Variants in CADPS observed in about 807,000 individuals in gnomAD.
CADPS encodes the protein calcium-dependent secretion activator 1.
Under a neutral mutation model 167.3 loss-of-function variants are expected in CADPS, and 57 were observed. That is an observed-to-expected ratio of 0.34 (90% confidence interval 0.28 to 0.42). The LOEUF is 0.42. CADPS is among the 20% of genes least tolerant of loss of function. The probability of loss-of-function intolerance (pLI) is 1.00; values close to 1 mark genes in which losing one functional copy is unlikely to be tolerated. For missense variants in CADPS, 1,414 were observed against 1,738.1 expected (o/e 0.81, Z 3.32); for synonymous variants, 676 against 635.3 (o/e 1.06, Z -0.96).
intron 28 of CADPS, among the ~76,000 whole-genome samples, chr3:62,426,241 C>G (rs1055614200): frequency 6.6e-6 from 1 of 152,164 alleles, no homozygotes; most frequent in Non-Finnish European, 1.5e-5. Context: ...ACCTCCACCT[C>G]CCAGGTTCAA....
At chr3:62,428,868 T>A (rs1575884132) in intron 28 of CADPS, among the ~76,000 whole-genome samples, 3 of 152,326 alleles carry the variant, frequency 2.0e-5, no homozygotes, top group African/African-American at 7.2e-5. Flanking sequence ...TACTGGTGTC[T>A]AGAGTAGAAA....
intron 1 of CADPS, among the ~76,000 whole-genome samples, chr3:62,801,017 T>C (rs911240107): frequency 5.3e-5 from 8 of 152,100 alleles, no homozygotes; most frequent in African/African-American, 1.9e-4. Context: ...GTCAAGTCAG[T>C]CAAATGGATC....
chr3:62,399,601 A>G lies in CADPS; in HGVS notation c.3883-16T>C. On this transcript the variant is annotated splice_polypyrimidine_tract_variant and intron_variant, in intron 29 of 29. Coordinates refer to ENST00000383710, the MANE Select transcript of CADPS (RefSeq NM_003716.4). The surrounding 1 kb of genome is among the most constrained non-coding windows in gnomAD (Gnocchi z 5.6). Reference sequence around the variant, plus strand: ...TGTAGGTTTTCTAAGGAAGGAAAAGATACAGTGATAAGAGAGATCTCATCT... The same window carrying G: ...TGTAGGTTTTCTAAGGAAGGAAAAGGTACAGTGATAAGAGAGATCTCATCT... The G allele has an allele frequency of 6.2e-7, 1 of 1,609,190 alleles. No individual in the cohort carries two copies. The highest frequency in any genetic ancestry group is 8.5e-7 in the Non-Finnish European group (1 of 1,176,372).
chr3:62,476,187 C>CT (rs1270344845), intron 23 of CADPS, among the ~76,000 whole-genome samples: 1 of 152,146 alleles, frequency 6.6e-6, no homozygotes, highest in Non-Finnish European at 1.5e-5. Flanking sequence ...GCCTTATTGA[C>CT]TTTTTGTCAT....
chr3:62,440,194 A>G (rs547751897), intron 27 of CADPS: 3 of 152,310 alleles, frequency 2.0e-5, no homozygotes, highest in South Asian at 2.1e-4. Context: ...GAATGGACAA[A>G]TTCAAGAATG....
rs776227927 is a variant in CADPS at position 62,650,936 on chromosome 3, G to A, written c.1114C>T (p.Arg372Cys). The part of the protein sequence containing the change: ...GGEFKLQKLK[R>C]SHNASIIDMG... ...TCGATGATGGAAGCATTGTGGCTGC[G>A]TTTGAGTTTCTGGAGCTTGAACTCC... The change falls in exon 5 of 30, where the codon CGC (arginine) becomes TGC (cysteine). Residue 372 changes from arginine (R) to cysteine (C), a missense_variant. Physicochemically the swap from Arg to Cys is radical, Grantham distance 180. Transcript: ENST00000383710. The A allele has an allele frequency of 1.1e-5, 17 of 1,613,946 alleles. No homozygotes were observed. Among genetic ancestry groups the A allele is most frequent in the Non-Finnish European group, 1.4e-5 (16 of 1,179,994 alleles).
At chr3:62,791,299 C>G (rs1225537960) in intron 1 of CADPS, among the ~76,000 whole-genome samples, 5 of 152,142 alleles carry the variant, frequency 3.3e-5, no homozygotes, top group Admixed American at 1.3e-4. Context: ...TGCAATATGA[C>G]TAGTGTGAAT....
intron 28 of CADPS, among the ~76,000 whole-genome samples, chr3:62,418,320 CTCTCT>C (rs1414663624): frequency 1.1e-3 from 155 of 139,054 alleles, no homozygotes; most frequent in African/African-American, 3.9e-3. Flanking sequence ...TTTCTTTTTT[CTCTCT>C]TTTTTTTTTT....
At chr3:62,625,321 A>G (rs2063858631) in intron 6 of CADPS, 1 of 150,584 alleles carries the variant, frequency 6.6e-6, no homozygotes, top group Non-Finnish European at 1.5e-5. Flanking sequence ...TAAACATTGT[A>G]AAATTCAATG....
intron 23 of CADPS, among the ~76,000 whole-genome samples, chr3:62,477,362 T>C (rs2061460051): frequency 1.3e-5 from 2 of 151,230 alleles, no homozygotes; most frequent in African/African-American, 4.9e-5. Context: ...AGTTATGAAC[T>C]AGAAAAGGAA....
intron 8 of CADPS, 54 bp from the exon 9 acceptor site, chr3:62,570,992 T>C (rs745382695): frequency 3.6e-6 from 4 of 1,121,138 alleles, no homozygotes; most frequent in South Asian, 1.3e-5. Context: ...GAGTGAATTG[T>C]TGAACACACT....
chr3:62,489,303 G>A (rs1277737490), intron 21 of CADPS, among the ~76,000 whole-genome samples: 1 of 152,086 alleles, frequency 6.6e-6, no homozygotes, highest in African/African-American at 2.4e-5. Context: ...TGGGACTACA[G>A]GTGCCCACCA....
intron 3 of CADPS, among the ~76,000 whole-genome samples, chr3:62,749,981 C>T (rs2082334194): frequency 1.3e-5 from 2 of 152,132 alleles, no homozygotes; most frequent in African/African-American, 2.4e-5. Flanking sequence ...CACTTTAATG[C>T]ATATTATTTT....
chr3:62,786,420 T>C (rs1355178119), intron 1 of CADPS, among the ~76,000 whole-genome samples: 1 of 151,962 alleles, frequency 6.6e-6, no homozygotes, highest in African/African-American at 2.4e-5. Context: ...GGCAGGGAGA[T>C]TGCTTAAGGT....
At chr3:62,825,136 GCTTT>G (rs1176756460) in intron 1 of CADPS, among the ~76,000 whole-genome samples, 2 of 152,108 alleles carry the variant, frequency 1.3e-5, no homozygotes, top group East Asian at 1.9e-4. Flanking sequence ...TTTAGACATG[GCTTT>G]CTGTCAACCA....
At position 62,485,077 on chromosome 3, in the gene CADPS, C is replaced by T. The variant is rs182315334; in HGVS notation, c.3027-3208G>A. ...CTTCCTTCTCCATGAAAATTTAATA[C>T]AACAGATATATAGAATATCTGTTTA... On this transcript the variant is annotated intron_variant, in intron 21 of 29. Coordinates refer to ENST00000383710, the MANE Select transcript of CADPS (RefSeq NM_003716.4). Among the ~76,000 whole-genome samples, 447 of 152,176 alleles carry T rather than the reference C, an allele frequency of 2.9e-3. 6 individuals are homozygous for T. Among genetic ancestry groups the T allele is most frequent in the African/African-American group, 9.2e-3 (383 of 41,504 alleles).
intron 3 of CADPS, among the ~76,000 whole-genome samples, chr3:62,717,177 A>G (rs2084836926): frequency 6.6e-6 from 1 of 152,206 alleles, no homozygotes; most frequent in Non-Finnish European, 1.5e-5. Context: ...ACAACCAACA[A>G]AGAGTTGGAT....
In CADPS at chr3:62,433,579, C is replaced by T. The variant is rs1171248191; in HGVS notation, c.3777+4525G>A. 6.6e-6 allele frequency among the ~76,000 whole-genome samples: 1 copy of T among 152,098 alleles called. No homozygotes were observed. The highest frequency in any genetic ancestry group is 2.4e-5 in the African/African-American group (1 of 41,424). Reference sequence around the variant, plus strand: ...AGTCAAATGTTCCCTGGGCCTGGTTCCCAATGACACGGGGCCTGAAGAAAG... The same window carrying T: ...AGTCAAATGTTCCCTGGGCCTGGTTTCCAATGACACGGGGCCTGAAGAAAG... On this transcript the variant is annotated intron_variant, in intron 28 of 29. Coordinates refer to ENST00000383710, the MANE Select transcript of CADPS (RefSeq NM_003716.4). This position sits in a 1 kb window ranked among gnomAD's most constrained non-coding sequence, Gnocchi z 4.7.
chr3:62,828,852 G>T (rs1478766752), intron 1 of CADPS, among the ~76,000 whole-genome samples: 1 of 151,996 alleles, frequency 6.6e-6, no homozygotes, highest in Non-Finnish European at 1.5e-5. Context: ...GCTTACTTTG[G>T]CCTACCTGTG....
Sources: gnomAD v4.1 joint callset for allele counts (sites outside exome capture counted in the v4.1 genomes callset) on GRCh38, gnomAD v4.1.1 for gene constraint, Gnocchi (gnomAD v3.1) non-coding constraint, MANE v1.5 for transcripts, NCBI Gene and HGNC (gene_info 2026-07-23, HGNC 2026-07-21) for gene names.